UGT1A10: variants seen among roughly 807,000 people sequenced by gnomAD.
The protein encoded by UGT1A10 is UDP-glucuronosyltransferase 1A10.
A neutral mutation model predicts 45.8 loss-of-function variants in UGT1A10; 49 were observed. The observed-to-expected ratio is 1.07, with a 90% confidence interval of 0.85 to 1.36. The LOEUF is 1.36. UGT1A10 is among the 40% of genes most tolerant of loss of function. The pLI, the probability that UGT1A10 is intolerant of heterozygous loss-of-function variation, is 0.00. For missense variants in UGT1A10, 745 were observed against 668.6 expected (o/e 1.11, Z -1.26); for synonymous variants, 284 against 249.7 (o/e 1.14, Z -1.29).
At chr2:233,740,151 C>T (rs534667918) in intron 1 of UGT1A10, among the ~76,000 whole-genome samples, 23 of 151,980 alleles carry the variant, frequency 1.5e-4, no homozygotes, top group South Asian at 1.2e-3. Context: ...TTCCTGAGGC[C>T]TCCCCAGTCA....
intron 1 of UGT1A10, chr2:233,719,222 T>A: frequency 1.2e-6 from 2 of 1,614,238 alleles, no homozygotes; most frequent in Admixed American, 1.7e-5. Context: ...TACTGCATAA[T>A]GAGGCCCTGA....
At chr2:233,709,811 T>C (rs1202095229) in intron 1 of UGT1A10, among the ~76,000 whole-genome samples, 2 of 152,254 alleles carry the variant, frequency 1.3e-5, no homozygotes, top group Admixed American at 6.5e-5. Context: ...TTCTGAGTTG[T>C]AATGATTTTA....
At chr2:233,687,309 C>T (rs1191549339) in intron 1 of UGT1A10, among the ~76,000 whole-genome samples, 1 of 152,082 alleles carries the variant, frequency 6.6e-6, no homozygotes, top group Non-Finnish European at 1.5e-5. Context: ...TCAATGTTGT[C>T]TTCTTGATGC....
intron 1 of UGT1A10, chr2:233,647,867 A>G (rs1428249051): frequency 9.4e-6 from 13 of 1,382,254 alleles, no homozygotes; most frequent in East Asian, 2.4e-5. Context: ...TTGTTTTTCT[A>G]TTTCCTATTT....
chr2:233,677,457 A>T (rs1270052108), intron 1 of UGT1A10, among the ~76,000 whole-genome samples: 1 of 152,238 alleles, frequency 6.6e-6, no homozygotes, highest in African/African-American at 2.4e-5. Context: ...AGCCTTGCCA[A>T]TACCATAAAC....
intron 1 of UGT1A10, among the ~76,000 whole-genome samples, chr2:233,702,959 T>C (rs1364239981): frequency 1.3e-5 from 2 of 152,224 alleles, no homozygotes; most frequent in Non-Finnish European, 2.9e-5. Flanking sequence ...TGAATATTAC[T>C]GGCCTTGTAG....
chr2:233,648,282 A>G (rs1172744292), intron 1 of UGT1A10: 15 of 616,008 alleles, frequency 2.4e-5, no homozygotes, highest in Non-Finnish European at 3.5e-5. Flanking sequence ...TGGATCCTTT[A>G]GATATGTGTG....
At chr2:233,690,059 C>T (rs1172653804) in intron 1 of UGT1A10, among the ~76,000 whole-genome samples, 5 of 152,156 alleles carry the variant, frequency 3.3e-5, no homozygotes, top group African/African-American at 1.2e-4. Context: ...CTTCTGCAGC[C>T]CCACCTCACA....
At chr2:233,666,568 C>T (rs987493791) in intron 1 of UGT1A10, among the ~76,000 whole-genome samples, 1 of 151,966 alleles carries the variant, frequency 6.6e-6, no homozygotes, top group Non-Finnish European at 1.5e-5. Flanking sequence ...TATTTATATT[C>T]TGGATATTTA....
intron 1 of UGT1A10, among the ~76,000 whole-genome samples, chr2:233,714,963 A>T (rs1575508656): frequency 6.6e-6 from 1 of 151,772 alleles, no homozygotes; most frequent in South Asian, 2.1e-4. Context: ...TGCAACCTCC[A>T]CCTCCCAGGT....
chr2:233,677,971 A>G (rs2074404802), intron 1 of UGT1A10, among the ~76,000 whole-genome samples: 2 of 152,218 alleles, frequency 1.3e-5, no homozygotes, highest in African/African-American at 4.8e-5. Flanking sequence ...CACATACTCC[A>G]TGGAATATGC....
rs1208281269 is a variant in UGT1A10 at position 233,769,345 on chromosome 2, G to C, written c.1295+906G>C. Among the ~76,000 whole-genome samples, 1 of 152,210 alleles carries C rather than the reference G, an allele frequency of 6.6e-6. No individual in the cohort carries two copies. The highest frequency in any genetic ancestry group is 1.5e-5 in the Non-Finnish European group (1 of 68,032). On this transcript the variant is annotated intron_variant, in intron 4 of 4. Coordinates refer to ENST00000344644, the MANE Select transcript of UGT1A10 (RefSeq NM_019075.4). This position sits in a 1 kb window ranked among gnomAD's most constrained non-coding sequence, Gnocchi z 4.4. ...GTAATAGGCTTATTAGAACCTTATG[G>C]GAAGAAGTGGTGGCCAGTGGTAGAT...
intron 1 of UGT1A10, chr2:233,743,959 C>A (rs371517697): frequency 5.2e-6 from 7 of 1,333,990 alleles, no homozygotes; most frequent in Non-Finnish European, 7.0e-6. Context: ...GCACAGCGAG[C>A]GGCAAGGCTG....
intron 1 of UGT1A10, among the ~76,000 whole-genome samples, chr2:233,742,528 A>G (rs896768700): frequency 1.3e-5 from 2 of 151,872 alleles, no homozygotes; most frequent in Admixed American, 6.5e-5. Flanking sequence ...AGTGCTGCAG[A>G]GATTTTGTTT....
chr2:233,661,623 T>TTTTCTTTCTTTCTTTCCTTCTTTCTTTC (rs2073966015), intron 1 of UGT1A10, among the ~76,000 whole-genome samples: 5 of 124,046 alleles, frequency 4.0e-5, no homozygotes, highest in African/African-American at 1.6e-4. Context: ...ACTTACTGAA[T>TTTTCTTTCTTTCTTTCCTTCTTTCTTTC]TTTCTTTCTT....
In UGT1A10 at chr2:233,753,335, C is replaced by T. The variant is rs1327117570; in HGVS notation, c.856-13699C>T. 3.9e-5 allele frequency: 6 copies of T among 151,986 alleles called. No homozygotes were observed. The East Asian group carries it at 9.6e-4, about 24-fold the overall frequency. 9.4% of individuals were successfully genotyped at this position (151,986 alleles called of 1,614,324 possible). A position where few individuals can be genotyped will look rare whatever the true frequency, so the allele number is the denominator to read the frequency against. ...CTGTGGGATGGTGCCAGCTGACTGC[C>T]ATTTTCCTGCTGTTTATTACTTGGG... On this transcript the variant is annotated intron_variant, in intron 1 of 4. Coordinates refer to ENST00000344644, the MANE Select transcript of UGT1A10 (RefSeq NM_019075.4).
At chr2:233,744,776 C>T (rs1406230141) in intron 1 of UGT1A10, among the ~76,000 whole-genome samples, 1 of 151,874 alleles carries the variant, frequency 6.6e-6, no homozygotes, top group African/African-American at 2.4e-5. Context: ...TTGCAAAATT[C>T]TCCTGAAAAA....
At chr2:233,761,125 T>C (rs754213125) in intron 1 of UGT1A10, 1 of 1,614,252 alleles carries the variant, frequency 6.2e-7, no homozygotes, top group Non-Finnish European at 8.5e-7. Context: ...TGGAATCAAC[T>C]GCCTTCACCA....
In UGT1A10 at chr2:233,772,840, C is replaced by G. The variant is rs1271510565; in HGVS notation, c.*281C>G. 15 of 833,784 alleles carry G rather than the reference C, an allele frequency of 1.8e-5. No homozygotes were observed. The highest frequency in any genetic ancestry group is 3.3e-5 in the Admixed American group (1 of 29,978). The allele number at this position is 833,784 out of a possible 1,614,324, so 51.6% of individuals were successfully genotyped here. A position where few individuals can be genotyped will look rare whatever the true frequency, so the allele number is the denominator to read the frequency against. On this transcript the variant is annotated 3_prime_UTR_variant, in exon 5 of 5. Transcript: ENST00000344644. ...GCAGACAGGCTGGCATTCTAGATTACTTTTCTTACTCTGAAACATGGCCTG... is the reference window on the plus strand; with the variant it reads ...GCAGACAGGCTGGCATTCTAGATTAGTTTTCTTACTCTGAAACATGGCCTG...
Sources: gnomAD v4.1 joint callset for allele counts (sites outside exome capture counted in the v4.1 genomes callset) on GRCh38, gnomAD v4.1.1 for gene constraint, Gnocchi (gnomAD v3.1) non-coding constraint, MANE v1.5 for transcripts, NCBI Gene and HGNC (gene_info 2026-07-23, HGNC 2026-07-21) for gene names.